Variants in COL5A3 observed in about 807,000 individuals in gnomAD.
COL5A3 encodes collagen type V alpha 3 chain.
COL5A3 carries 172 observed loss-of-function variants against 250.0 expected under a neutral mutation model. The ratio of observed to expected loss-of-function variants is 0.69; its 90% CI spans 0.61 to 0.78. COL5A3 has a LOEUF of 0.78. Ranked by LOEUF, COL5A3 falls within the 30% of genes least tolerant of loss-of-function variation. The pLI is 0.00. For missense variants in COL5A3, 2,340 were observed against 2,334.4 expected, an observed-to-expected ratio of 1.00 and a Z score of -0.05; for synonymous variants, 937 against 900.4, an observed-to-expected ratio of 1.04 and a Z score of -0.73.
chr19:9,963,563 G>GC (rs1436080887), intron 64 of COL5A3, among the ~76,000 whole-genome samples: 1 of 68,122 alleles, frequency 1.5e-5, no homozygotes, highest in African/African-American at 4.6e-5. Context: ...GTTTTTTTTG[G>GC]GGGGGGGGGC....
intron 54 of COL5A3, among the ~76,000 whole-genome samples, 146 bp downstream of exon 54, chr19:9,970,458 TGGGTGTGTGGGGTCTGTG>T (rs1568407941): frequency 1.5e-4 from 3 of 20,154 alleles, no homozygotes; most frequent in Non-Finnish European, 1.8e-4. Flanking sequence ...GTGGGGTCTG[TGGGTGTGTGGGGTCTGTG>T]GGGTGAGTGG....
intron 10 of COL5A3, 26 bp from the exon 11 acceptor site, chr19:9,997,459 C>T (rs749901248): frequency 2.6e-6 from 4 of 1,542,728 alleles, no homozygotes; most frequent in African/African-American, 2.7e-5. Context: ...AAACAGGAGT[C>T]ACAGGAAGTG....
rs1405516798 is a variant in COL5A3 at position 9,960,589 on chromosome 19, A to G, written c.5092-32T>C. 3 of 1,613,544 alleles carry G rather than the reference A, an allele frequency of 1.9e-6. No homozygotes were observed. The African/African-American group carries it at 4.0e-5, about 22-fold the overall frequency. ...CCAGAGAAGACAGAGACGGTGAGTT[A>G]CCGGGAAGGTGGCCGACATCTTGCC... is the stretch of plus-strand genomic sequence containing the variant. On this transcript the variant is annotated intron_variant, in intron 66 of 66. Transcript: ENST00000264828.
chr19:9,998,075 A>G (rs747496938), intron 9 of COL5A3, 27 bp downstream of exon 9: 4 of 1,613,878 alleles, frequency 2.5e-6, no homozygotes, highest in Non-Finnish European at 3.4e-6. Flanking sequence ...GAAGCCTCTC[A>G]ACCCCCTCAC....
chr19:9,993,324 A>T lies in COL5A3; in HGVS notation c.1749+56T>A, dbSNP rs373153229. 5.7e-6 allele frequency: 9 copies of T among 1,577,990 alleles called. No homozygotes were observed. The African/African-American group carries it at 1.1e-4, about 19-fold the overall frequency. ...CTCCAGATCTTCCTCTCTGATTCTC[A>T]CTCAGGCTTCCAAACTTACTTTCCA... On this transcript the variant is annotated intron_variant, in intron 19 of 66. Coordinates refer to ENST00000264828, the MANE Select transcript of COL5A3 (RefSeq NM_015719.4).
At chr19:9,970,510 GTGGGTGTGTGGGGT>G (rs2086828883) in intron 54 of COL5A3, 98 bp downstream of exon 54, 5 of 568,922 alleles carry the variant, frequency 8.8e-6, no homozygotes, top group East Asian at 6.9e-5. Context: ...AGTGGGGTCT[GTGGGTGTGTGGGGT>G]CTGTGGGGTG....
intron 31 of COL5A3, 45 bp from the exon 32 acceptor site, chr19:9,982,163 G>T: frequency 7.1e-7 from 1 of 1,402,344 alleles, no homozygotes; most frequent in Non-Finnish European, 9.8e-7. Flanking sequence ...TGAGGAGTGA[G>T]TGGTGGGTGG....
chr19:9,985,535 C>T (rs1022557959), intron 31 of COL5A3, among the ~76,000 whole-genome samples: 1 of 152,080 alleles, frequency 6.6e-6, no homozygotes, highest in Non-Finnish European at 1.5e-5. Flanking sequence ...GTTGGGATTA[C>T]AGCCATGAGC....
chr19:9,968,104 A>G lies in COL5A3; in HGVS notation c.4315-25T>C. 1 of 1,583,996 alleles carries G rather than the reference A, an allele frequency of 6.3e-7. No homozygotes were observed. Among genetic ancestry groups the G allele is most frequent in the African/African-American group, 1.4e-5 (1 of 72,998 alleles). ...CCTAGGAAAAGGACATCGGGTCAGT[A>G]TTGGTGGGGTACACCCTATTGCCCT... On this transcript the variant is annotated intron_variant, in intron 59 of 66. Coordinates refer to ENST00000264828, the MANE Select transcript of COL5A3 (RefSeq NM_015719.4). This position sits in a 1 kb window ranked among gnomAD's most constrained non-coding sequence, Gnocchi z 4.1.
chr19:9,996,082 C>G lies in COL5A3; in HGVS notation c.1517G>C (p.Gly506Ala), dbSNP rs1347846617. Residue 506 changes from glycine (G) to alanine (A), a missense_variant, in exon 15 of 67, where the codon GGA (glycine) becomes GCA (alanine). Gly to Ala is a moderately conservative substitution (Grantham distance 60, BLOSUM62 0). Around this residue, in one of 3 missense-constraint regions of COL5A3, gnomAD observed 1,152 missense variants for 1,146.3 expected, o/e 1.00. Coordinates refer to ENST00000264828, the MANE Select transcript of COL5A3 (RefSeq NM_015719.4). Reference protein sequence around the residue: ...PGHPGLKGEEGAEGPQGPRGL... With the variant: ...PGHPGLKGEEAAEGPQGPRGL... Reference sequence around the variant, plus strand: ...AAGTCTCACCTGTGGCCCTTCTGCTCCCTCCTCTCCTTTCAGACCTGGATG... The same window carrying G: ...AAGTCTCACCTGTGGCCCTTCTGCTGCCTCCTCTCCTTTCAGACCTGGATG... 1 of 1,583,322 alleles carries G rather than the reference C, an allele frequency of 6.3e-7. No individual in the cohort carries two copies. Among genetic ancestry groups the G allele is most frequent in the African/African-American group, 1.4e-5 (1 of 73,798 alleles).
In COL5A3 at chr19:9,991,649, G is replaced by T. The variant is rs1428566318; in HGVS notation, c.1953C>A (p.Leu651=). 6.2e-7 allele frequency: 1 copy of T among 1,611,544 alleles called. No homozygotes were observed. The highest frequency in any genetic ancestry group is 1.7e-5 in the Admixed American group (1 of 59,538). The change falls in exon 24 of 67, where the codon CTC becomes CTA. Residue 651 remains leucine, a synonymous_variant. Coordinates refer to ENST00000264828, the MANE Select transcript of COL5A3 (RefSeq NM_015719.4). ...TGCCAATGAGTCCCTGGGGACCGGG[G>T]AGTCCCTGGAGACAGAAAAAGAAGA... ...GQQGNHGSQG[L]PGPQGLIGTP...
At chr19:9,962,694 G>C in intron 65 of COL5A3, 125 bp downstream of exon 65, 1 of 661,104 alleles carries the variant, frequency 1.5e-6, no homozygotes, top group Non-Finnish European at 2.6e-6. Flanking sequence ...TCCAGCTTGC[G>C]ATCCCTAGGA....
At position 9,968,035 on chromosome 19, in the gene COL5A3, T is replaced by TG; in HGVS notation, c.4358dup (p.Gly1454ArgfsTer103). On this transcript the variant is annotated frameshift_variant, in exon 60 of 67. Transcript: ENST00000264828. LOFTEE classifies it high-confidence loss of function. This position sits in a 1 kb window ranked among gnomAD's most constrained non-coding sequence, Gnocchi z 4.1. ...TTCCCTGCATACTCACCGCCACACCTGGGGGCCCAGGGTGGCCCAGAGAGC... is the reference window on the plus strand; with the variant it reads ...TTCCCTGCATACTCACCGCCACACCTGGGGGGCCCAGGGTGGCCCAGAGAGC... 6.3e-7 allele frequency: 1 copy of TG among 1,590,760 alleles called. No individual in the cohort carries two copies.
At chr19:9,993,097 G>T (rs1348318909) in intron 19 of COL5A3, 30 bp from the exon 20 acceptor site, 1 of 1,612,616 alleles carries the variant, frequency 6.2e-7, no homozygotes, top group Non-Finnish European at 8.5e-7. Flanking sequence ...CTTGGGAACA[G>T]GAAGGTACAA....
intron 27 of COL5A3, among the ~76,000 whole-genome samples, 162 bp downstream of exon 27, chr19:9,988,962 T>G (rs1249416470): frequency 6.6e-6 from 1 of 152,016 alleles, no homozygotes; most frequent in Non-Finnish European, 1.5e-5. Flanking sequence ...AACCACACTG[T>G]AAGGCTGTCC....
intron 62 of COL5A3, 139 bp downstream of exon 62, chr19:9,967,208 T>C (rs2086761762): frequency 3.2e-6 from 2 of 628,030 alleles, no homozygotes; most frequent in African/African-American, 1.9e-5. Context: ...AACTACCCTC[T>C]TCACCTACAT....
At position 9,973,014 on chromosome 19, in the gene COL5A3, C is replaced by T; in HGVS notation, c.3679G>A (p.Asp1227Asn). Reference sequence around the variant, plus strand: ...CCTGAGTCCCCCTTTTCACCAATGTCTCCCTTGGGCCCCTTTACAGAAAGA... The same window carrying T: ...CCTGAGTCCCCCTTTTCACCAATGTTTCCCTTGGGCCCCTTTACAGAAAGA... ...GAPGIPGPKG[D>N]IGEKGDSGPS... The change falls in exon 51 of 67, where the codon GAC (aspartate) becomes AAC (asparagine). Residue 1227 changes from aspartate (D) to asparagine (N), a missense_variant. This residue lies in a region of COL5A3 where 1,179 missense variants were observed against 1,162.6 expected (regional missense o/e 1.01). Coordinates refer to ENST00000264828, the MANE Select transcript of COL5A3 (RefSeq NM_015719.4). The T allele has an allele frequency of 6.2e-7, 1 of 1,608,278 alleles. No homozygotes were observed.
chr19:9,967,271 C>T (rs3786699), intron 62 of COL5A3, 76 bp downstream of exon 62: 149,700 of 1,134,884 alleles, frequency 0.13, 10,559 homozygotes, highest in South Asian at 0.24. Flanking sequence ...GAAGGACCCT[C>T]TGGGGACACC....
chr19:10,006,253 G>C (rs777276604), intron 1 of COL5A3, 22 bp from the exon 2 acceptor site: 1 of 1,574,412 alleles, frequency 6.4e-7, no homozygotes, highest in South Asian at 1.2e-5. Flanking sequence ...AGAAGCCGGG[G>C]GTGTCAGGCA....
Sources: gnomAD v4.1 joint callset for allele counts (sites outside exome capture counted in the v4.1 genomes callset) on GRCh38, gnomAD v4.1.1 for gene constraint, gnomAD v4.1.1 regional missense constraint, Gnocchi (gnomAD v3.1) non-coding constraint, MANE v1.5 for transcripts, NCBI Gene and HGNC (gene_info 2026-07-23, HGNC 2026-07-21) for gene names.